The following GHR variants were observed in gnomAD, a reference collection of about 807,000 sequenced individuals.
GHR encodes the protein GH receptor.
In GHR, 35 loss-of-function variants were observed where a neutral mutation model predicts 67.1. The ratio of observed to expected loss-of-function variants is 0.52; its 90% confidence interval spans 0.40 to 0.69. The LOEUF (loss-of-function observed/expected upper bound fraction) is 0.69, where lower values mean the gene tolerates loss of function less well. Ranked by LOEUF, GHR falls within the 30% of genes least tolerant of loss-of-function variation. The probability of loss-of-function intolerance (pLI) is 0.00; values close to 1 mark genes in which losing one functional copy is unlikely to be tolerated. For missense variants in GHR, 792 were observed against 764.6 expected, an observed-to-expected ratio of 1.04 and a Z score of -0.42; for synonymous variants, 272 against 269.1, an observed-to-expected ratio of 1.01 and a Z score of -0.10.
At chr5:42,656,380 A>G (rs187805005) in intron 3 of GHR, among the ~76,000 whole-genome samples, 1 of 152,308 alleles carries the variant, frequency 6.6e-6, no homozygotes, top group Admixed American at 6.5e-5. Flanking sequence ...AGTAAACTGT[A>G]GCCTCTATTT....
intron 1 of GHR, among the ~76,000 whole-genome samples, chr5:42,457,061 G>A (rs1172879399): frequency 6.6e-6 from 1 of 152,158 alleles, no homozygotes; most frequent in Non-Finnish European, 1.5e-5. Flanking sequence ...GAGATTAACA[G>A]AGGTTTTGCT....
At chr5:42,522,011 T>C (rs1478472796) in intron 1 of GHR, among the ~76,000 whole-genome samples, 2 of 152,176 alleles carry the variant, frequency 1.3e-5, no homozygotes, top group Non-Finnish European at 2.9e-5. Context: ...AATTAATTTA[T>C]AAGCAAGATT....
At chr5:42,712,240 G>A (rs78990047) in intron 7 of GHR, among the ~76,000 whole-genome samples, 1,846 of 152,096 alleles carry the variant, frequency 0.012, 46 homozygotes, top group African/African-American at 0.043. Context: ...GCATTAGGAT[G>A]AAAATTTCTA....
intron 2 of GHR, chr5:42,619,754 G>C (rs1245298391): frequency 6.6e-6 from 1 of 152,104 alleles, no homozygotes; most frequent in Non-Finnish European, 1.5e-5. Flanking sequence ...CAGGAGCCCA[G>C]ACCAACCTGT....
At chr5:42,706,787 A>T (rs1235969751) in intron 6 of GHR, among the ~76,000 whole-genome samples, 8 of 152,054 alleles carry the variant, frequency 5.3e-5, no homozygotes. Flanking sequence ...TGATTCCTGT[A>T]GCCTTGTAGT....
At chr5:42,534,356 A>G (rs1748145516) in intron 1 of GHR, among the ~76,000 whole-genome samples, 1 of 140,852 alleles carries the variant, frequency 7.1e-6, no homozygotes, top group Non-Finnish European at 1.5e-5. Flanking sequence ...GTATGTATAT[A>G]TGTACATGTG....
At chr5:42,581,007 C>T (rs1248491592) in intron 2 of GHR, among the ~76,000 whole-genome samples, 1 of 152,182 alleles carries the variant, frequency 6.6e-6, no homozygotes, top group Non-Finnish European at 1.5e-5. Flanking sequence ...CTTCTGCTTC[C>T]TGCAGCACCA....
At chr5:42,504,603 A>G (rs1339586715) in intron 1 of GHR, among the ~76,000 whole-genome samples, 1 of 152,116 alleles carries the variant, frequency 6.6e-6, no homozygotes, top group East Asian at 1.9e-4. Context: ...TACTAAAAAT[A>G]CAAAAATTAG....
chr5:42,705,402 A>T (rs1758127970), intron 6 of GHR, among the ~76,000 whole-genome samples: 2 of 151,792 alleles, frequency 1.3e-5, no homozygotes, highest in South Asian at 4.1e-4. Context: ...TTTATTTTTT[A>T]CTTTTTAACT....
chr5:42,713,787 G>T (rs2111833949), intron 8 of GHR: 4 of 379,190 alleles, frequency 1.1e-5, no homozygotes, highest in South Asian at 1.0e-4. Context: ...CATACCTTGT[G>T]ATATGTACCT....
intron 2 of GHR, among the ~76,000 whole-genome samples, chr5:42,609,583 CT>C (rs1302209249): frequency 2.6e-5 from 4 of 152,092 alleles, no homozygotes; most frequent in Non-Finnish European, 5.9e-5. Flanking sequence ...CCAGTGGTGT[CT>C]TCCTGCAGGA....
intron 3 of GHR, among the ~76,000 whole-genome samples, chr5:42,637,710 C>A (rs552162149): frequency 6.6e-5 from 10 of 152,200 alleles, no homozygotes; most frequent in Non-Finnish European, 5.9e-5. Context: ...ACCATCAATG[C>A]GCATCTAGGT....
At chr5:42,657,677 T>A (rs1456780252) in intron 3 of GHR, among the ~76,000 whole-genome samples, 1 of 152,224 alleles carries the variant, frequency 6.6e-6, no homozygotes, top group Non-Finnish European at 1.5e-5. Context: ...TTTTTGTCAC[T>A]CTATTTCCTA....
intron 3 of GHR, among the ~76,000 whole-genome samples, chr5:42,657,675 A>C (rs1020404022): frequency 1.1e-4 from 16 of 152,086 alleles, no homozygotes; most frequent in Non-Finnish European, 2.1e-4. Context: ...CTTTTTTGTC[A>C]CTCTATTTCC....
chr5:42,636,175 A>C (rs899960213), intron 3 of GHR, among the ~76,000 whole-genome samples: 148 of 141,844 alleles, frequency 1.0e-3, no homozygotes, highest in African/African-American at 3.7e-3. Flanking sequence ...TCACCACTGG[A>C]CTCCAGCCTG....
chr5:42,467,784 C>A, intron 1 of GHR: 1 of 1,499,266 alleles, frequency 6.7e-7, no homozygotes, highest in Non-Finnish European at 9.2e-7. Flanking sequence ...TAAATCCTTT[C>A]CCACACATGC....
chr5:42,704,312 T>C (rs1758072421), intron 6 of GHR, among the ~76,000 whole-genome samples: 1 of 152,084 alleles, frequency 6.6e-6, no homozygotes, highest in Non-Finnish European at 1.5e-5. Flanking sequence ...GTTGAGATGG[T>C]TCCATGGTTT....
intron 6 of GHR, 86 bp from the exon 7 acceptor site, chr5:42,711,121 A>T (rs1758433772): frequency 1.0e-6 from 1 of 974,790 alleles, no homozygotes; most frequent in African/African-American, 1.6e-5. Flanking sequence ...ATCCATTCTG[A>T]ATAAAAATGG....
intron 4 of GHR, among the ~76,000 whole-genome samples, chr5:42,692,371 A>C (rs1225274266): frequency 1.3e-5 from 2 of 152,106 alleles, no homozygotes; most frequent in African/African-American, 2.4e-5. Flanking sequence ...GCAAACCTAA[A>C]GCACTTAACT....
Sources: gnomAD v4.1 joint callset for allele counts (sites outside exome capture counted in the v4.1 genomes callset) on GRCh38, gnomAD v4.1.1 for gene constraint, MANE v1.5 for transcripts, NCBI Gene and HGNC (gene_info 2026-07-23, HGNC 2026-07-21) for gene names.